EFCAB13: variants seen among roughly 807,000 people sequenced by gnomAD.
EFCAB13 encodes the protein EF-hand calcium-binding domain-containing protein 13.
Under a neutral mutation model 110.2 loss-of-function variants are expected in EFCAB13, and 91 were observed. The observed-to-expected ratio is 0.83, with a 90% confidence interval of 0.70 to 0.98. The LOEUF (loss-of-function observed/expected upper bound fraction) is 0.98, where lower values mean the gene tolerates loss of function less well. Ranked by LOEUF, EFCAB13 falls within the 50% of genes least tolerant of loss-of-function variation. EFCAB13 has a pLI of 0.00. For missense variants in EFCAB13, 968 were observed against 1,119.4 expected, an observed-to-expected ratio of 0.86 and a Z score of 1.93; for synonymous variants, 323 against 369.9, an observed-to-expected ratio of 0.87 and a Z score of 1.45.
chr17:47,412,959 A>G (rs776835314), intron 22 of EFCAB13, 43 bp downstream of exon 22: 2 of 1,584,852 alleles, frequency 1.3e-6, no homozygotes, highest in South Asian at 1.2e-5. Flanking sequence ...TTTTTTTTCT[A>G]CTTATGAAAA....
rs150836781 is a variant in EFCAB13 at position 47,357,428 on chromosome 17, T to C, written c.662-3950T>C. Reference sequence around the variant, plus strand: ...GACGTTTTGATAATTCATTTTGCCTTGACAAAGCATAAATTACTATTTTAT... The same window carrying C: ...GACGTTTTGATAATTCATTTTGCCTCGACAAAGCATAAATTACTATTTTAT... On this transcript the variant is annotated intron_variant, in intron 9 of 24. Coordinates refer to ENST00000331493, the MANE Select transcript of EFCAB13 (RefSeq NM_152347.5). 2.7e-3 allele frequency among the ~76,000 whole-genome samples: 411 copies of C among 152,330 alleles called. 4 individuals carry two copies. Among genetic ancestry groups the C allele is most frequent in the African/African-American group, 9.5e-3 (395 of 41,572 alleles).
chr17:47,380,312 T>G (rs1473146027), intron 14 of EFCAB13, among the ~76,000 whole-genome samples: 4 of 152,124 alleles, frequency 2.6e-5, no homozygotes, highest in Non-Finnish European at 4.4e-5. Flanking sequence ...CTCCCACTTA[T>G]GAGTGAGAAC....
At chr17:47,407,868 G>T (rs148541519) in intron 20 of EFCAB13, among the ~76,000 whole-genome samples, 1 of 152,034 alleles carries the variant, frequency 6.6e-6, no homozygotes, top group African/African-American at 2.4e-5. Context: ...ATTTTACCAA[G>T]TATTATTTAA....
At chr17:47,421,073 G>A (rs891197802) in intron 23 of EFCAB13, among the ~76,000 whole-genome samples, 2 of 151,436 alleles carry the variant, frequency 1.3e-5, no homozygotes, top group South Asian at 2.1e-4. Context: ...GGTGAGGGGC[G>A]CCTCTGCCCG....
chr17:47,334,029 T>C (rs79227556), intron 4 of EFCAB13, among the ~76,000 whole-genome samples: 4,826 of 152,260 alleles, frequency 0.032, 265 homozygotes, highest in African/African-American at 0.11. Flanking sequence ...TTGGAAAGTA[T>C]GGACATTTAA....
At chr17:47,346,122 G>A (rs2065414293) in intron 8 of EFCAB13, among the ~76,000 whole-genome samples, 1 of 151,928 alleles carries the variant, frequency 6.6e-6, no homozygotes, top group African/African-American at 2.4e-5. Flanking sequence ...TTATCTATAG[G>A]CACAATATTG....
intron 24 of EFCAB13, among the ~76,000 whole-genome samples, chr17:47,439,216 G>A (rs886107116): frequency 3.7e-4 from 44 of 118,702 alleles, no homozygotes; most frequent in Admixed American, 3.4e-3. Flanking sequence ...TTGCTCTGTC[G>A]CTCAGGCTGG....
At chr17:47,347,664 T>G in intron 8 of EFCAB13, 144 bp from the exon 9 acceptor site, 1 of 497,822 alleles carries the variant, frequency 2.0e-6, no homozygotes, top group Non-Finnish European at 3.2e-6. Flanking sequence ...TTGAAGAGGG[T>G]GGGGTAAAAA....
At position 47,346,435 on chromosome 17, in the gene EFCAB13, C is replaced by CCG. The variant is rs1555578081; in HGVS notation, c.517+1338_517+1339insGC. Among the ~76,000 whole-genome samples, 139 of 104,276 alleles carry CCG rather than the reference C, an allele frequency of 1.3e-3. 6 individuals are homozygous for CCG. In the East Asian group the frequency reaches 0.043, roughly 32 times the overall value. 68.4% of individuals were successfully genotyped at this position (104,276 alleles called of 152,430 possible). ...GTCATATGTATATAACGTACTTTAC[C>CCG]CCCCCCCCCATTTATCTGACATTTA... is the stretch of plus-strand genomic sequence containing the variant. On this transcript the variant is annotated intron_variant, in intron 8 of 24. Coordinates refer to ENST00000331493, the MANE Select transcript of EFCAB13 (RefSeq NM_152347.5).
intron 12 of EFCAB13, among the ~76,000 whole-genome samples, chr17:47,376,959 T>C (rs2065618769): frequency 6.6e-6 from 1 of 152,168 alleles, no homozygotes; most frequent in Non-Finnish European, 1.5e-5. Context: ...ACCTCAGAAG[T>C]GATATTGTAC....
intron 2 of EFCAB13, among the ~76,000 whole-genome samples, chr17:47,325,937 TATATATATATATATATATATATATAGC>T (rs1395206857): frequency 6.1e-5 from 3 of 49,128 alleles, no homozygotes; most frequent in Non-Finnish European, 1.5e-4. Flanking sequence ...TATATATATA[TATATATATATATATATATATATATAGC>T]ATATATATAT....
intron 4 of EFCAB13, among the ~76,000 whole-genome samples, chr17:47,330,841 C>T (rs191263200): frequency 4.9e-4 from 75 of 151,716 alleles, no homozygotes; most frequent in Middle Eastern, 3.4e-3. Context: ...CTGGATTGAA[C>T]GATAGATCTA....
chr17:47,353,632 G>A (rs183479462), intron 9 of EFCAB13, among the ~76,000 whole-genome samples: 1 of 152,230 alleles, frequency 6.6e-6, no homozygotes, highest in Admixed American at 6.5e-5. Context: ...ATATGTGAAT[G>A]TGATAGTCTT....
chr17:47,346,064 TA>T (rs2065413872), intron 8 of EFCAB13, among the ~76,000 whole-genome samples: 1 of 150,932 alleles, frequency 6.6e-6, no homozygotes. Flanking sequence ...TAAAAATATT[TA>T]ACATGAGATC....
chr17:47,389,528 C>T (rs1374246895), intron 14 of EFCAB13, among the ~76,000 whole-genome samples: 1 of 151,860 alleles, frequency 6.6e-6, no homozygotes, highest in Non-Finnish European at 1.5e-5. Flanking sequence ...GAATTTAGAA[C>T]CATCTTTCCC....
chr17:47,351,304 T>TGCGC (rs71141904), intron 9 of EFCAB13, among the ~76,000 whole-genome samples: 47 of 123,102 alleles, frequency 3.8e-4, no homozygotes, highest in African/African-American at 1.0e-3. Context: ...TGTGTGTGTG[T>TGCGC]GCGCGCGCGC....
chr17:47,358,742 A>G (rs192537879), intron 9 of EFCAB13, among the ~76,000 whole-genome samples: 55 of 152,274 alleles, frequency 3.6e-4, no homozygotes, highest in Admixed American at 3.5e-3. Context: ...TCACCTCAAT[A>G]GTACACACAT....
Position 47,325,923 on chromosome 17 carries a change from A to AATATATATATGAT in EFCAB13, c.-247-293_-247-292insGATATATATATAT, listed in dbSNP as rs1555575761. Among the ~76,000 whole-genome samples the AATATATATATGAT allele has an allele frequency of 4.9e-5, 5 of 102,552 alleles. No individual in the cohort carries two copies. The East Asian group carries it at 1.8e-3, about 36-fold the overall frequency. The allele number at this position is 102,552 out of a possible 152,430, so 67.3% of individuals were successfully genotyped here. ...GCAGATTTTATATATATATAAACAA[A>AATATATATATGAT]ATATATATATATATATATATATATA... On this transcript the variant is annotated intron_variant, in intron 2 of 24. Coordinates refer to ENST00000331493, the MANE Select transcript of EFCAB13 (RefSeq NM_152347.5).
chr17:47,420,933 T>C (rs1904672480), intron 23 of EFCAB13, among the ~76,000 whole-genome samples: 2 of 134,110 alleles, frequency 1.5e-5, no homozygotes, highest in Admixed American at 7.3e-5. Context: ...CAGCCGCCCC[T>C]ACTGGGAAGT....
Sources: allele counts gnomAD v4.1 joint callset (sites outside exome capture counted in the v4.1 genomes callset), GRCh38; gene constraint gnomAD v4.1.1; transcripts MANE v1.5; gene names NCBI Gene and HGNC (gene_info 2026-07-23, HGNC 2026-07-21).